The following MARCHF11 variants were observed in gnomAD, a reference collection of about 807,000 sequenced individuals.
The protein encoded by MARCHF11 is membrane associated ring-CH-type finger 11.
Under a neutral mutation model 37.3 loss-of-function variants are expected in MARCHF11, and 29 were observed. That is an observed-to-expected ratio of 0.78 (90% CI 0.58 to 1.06). The LOEUF is 1.06. Ranked by LOEUF, MARCHF11 falls within the 50% of genes least tolerant of loss-of-function variation. The pLI is 0.00. For synonymous variants in MARCHF11, 233 were observed against 228.0 expected (o/e 1.02, Z -0.20); for missense variants, 482 against 533.4 (o/e 0.90, Z 0.95).
intron 2 of MARCHF11, among the ~76,000 whole-genome samples, chr5:16,099,189 A>T (rs189487699): frequency 1.3e-5 from 2 of 152,346 alleles, no homozygotes; most frequent in East Asian, 3.9e-4. Flanking sequence ...AAGATGATCA[A>T]ATTTCCAAGA....
At chr5:16,151,255 T>C (rs780520449) in intron 2 of MARCHF11, among the ~76,000 whole-genome samples, 2 of 152,032 alleles carry the variant, frequency 1.3e-5, no homozygotes, top group African/African-American at 2.4e-5. Context: ...ATTTACATAG[T>C]CATTCACCAG....
chr5:16,178,144 G>A (rs1738395416), intron 1 of MARCHF11, among the ~76,000 whole-genome samples: 1 of 152,198 alleles, frequency 6.6e-6, no homozygotes, highest in African/African-American at 2.4e-5. Context: ...ATACCCGTGG[G>A]GGAAAGCTGT....
At chr5:16,095,613 T>G (rs7736853) in intron 2 of MARCHF11, among the ~76,000 whole-genome samples, 2,981 of 152,294 alleles carry the variant, frequency 0.02, 61 homozygotes, top group Admixed American at 0.066. Flanking sequence ...GCATGCAACG[T>G]CTGTCTCCTC....
chr5:16,177,231 T>C lies in MARCHF11; in HGVS notation c.693+495A>G, dbSNP rs563330229. The stretch of plus-strand genomic sequence containing the variant: ...TTAACTGCAAAAGAACATCACATGA[T>C]AAAGAAAGCCTGGTTAAGTGGAAAT... On this transcript the variant is annotated intron_variant, in intron 2 of 3. Coordinates refer to ENST00000332432, the MANE Select transcript of MARCHF11 (RefSeq NM_001102562.3). 5.9e-5 allele frequency among the ~76,000 whole-genome samples: 9 copies of C among 152,304 alleles called. No homozygotes were observed. In the East Asian group the frequency reaches 7.7e-4, roughly 13 times the overall value.
chr5:16,132,089 G>T (rs1737526277), intron 2 of MARCHF11, among the ~76,000 whole-genome samples: 1 of 152,256 alleles, frequency 6.6e-6, no homozygotes, highest in Non-Finnish European at 1.5e-5. Flanking sequence ...TCTACCAACT[G>T]TGACTGTGGA....
intron 2 of MARCHF11, among the ~76,000 whole-genome samples, chr5:16,130,630 C>G (rs955937525): frequency 6.6e-6 from 1 of 152,032 alleles, no homozygotes; most frequent in African/African-American, 2.4e-5. Context: ...AAAGGACAAA[C>G]AAAAATAGCA....
intron 2 of MARCHF11, among the ~76,000 whole-genome samples, chr5:16,093,409 C>T (rs572095069): frequency 1.3e-4 from 20 of 152,222 alleles, no homozygotes; most frequent in Admixed American, 1.1e-3. Context: ...GATAATTCAC[C>T]GTGGTGTCTG....
chr5:16,119,905 T>C (rs1006998752), intron 2 of MARCHF11, among the ~76,000 whole-genome samples: 3 of 152,196 alleles, frequency 2.0e-5, no homozygotes, highest in Admixed American at 2.0e-4. Context: ...TTAAAATGCA[T>C]TACTAAATAA....
At chr5:16,105,249 A>G (rs1737018260) in intron 2 of MARCHF11, among the ~76,000 whole-genome samples, 1 of 152,234 alleles carries the variant, frequency 6.6e-6, no homozygotes, top group African/African-American at 2.4e-5. Context: ...AGAACTGTAA[A>G]TCTCTTATGT....
intron 2 of MARCHF11, among the ~76,000 whole-genome samples, chr5:16,138,666 C>T (rs377527482): frequency 1.3e-5 from 2 of 152,102 alleles, no homozygotes; most frequent in African/African-American, 4.8e-5. Context: ...AATGCCAACT[C>T]GTGAAAACAG....
intron 2 of MARCHF11, among the ~76,000 whole-genome samples, chr5:16,140,595 A>G (rs1322637167): frequency 6.6e-6 from 1 of 152,172 alleles, no homozygotes; most frequent in Non-Finnish European, 1.5e-5. Context: ...AATGGTTTTG[A>G]ACCTTTCTAT....
intron 2 of MARCHF11, among the ~76,000 whole-genome samples, chr5:16,104,976 G>A (rs1387760601): frequency 6.6e-6 from 1 of 152,134 alleles, no homozygotes; most frequent in African/African-American, 2.4e-5. Flanking sequence ...GCACATAGTG[G>A]GTGTTCACAT....
intron 2 of MARCHF11, among the ~76,000 whole-genome samples, chr5:16,159,578 A>G (rs1312406472): frequency 6.6e-6 from 1 of 152,156 alleles, no homozygotes; most frequent in Admixed American, 6.6e-5. Flanking sequence ...CCCATTATTA[A>G]TGTTCTTGAA....
chr5:16,161,771 T>A (rs1019272846), intron 2 of MARCHF11, among the ~76,000 whole-genome samples: 1 of 151,958 alleles, frequency 6.6e-6, no homozygotes, highest in African/African-American at 2.4e-5. Context: ...TCTTTCCCAG[T>A]GGCCAAGTCA....
At chr5:16,175,947 T>G (rs1738346835) in intron 2 of MARCHF11, among the ~76,000 whole-genome samples, 3 of 152,216 alleles carry the variant, frequency 2.0e-5, no homozygotes, top group Admixed American at 2.0e-4. Context: ...AGATTAGTTT[T>G]TGGGTTTTAG....
intron 2 of MARCHF11, among the ~76,000 whole-genome samples, chr5:16,113,776 CT>C (rs1737186008): frequency 6.6e-6 from 1 of 152,110 alleles, no homozygotes; most frequent in African/African-American, 2.4e-5. Context: ...TTTATCACTT[CT>C]TTGTTTTGGG....
At chr5:16,132,806 G>T (rs1737539069) in intron 2 of MARCHF11, among the ~76,000 whole-genome samples, 2 of 152,106 alleles carry the variant, frequency 1.3e-5, no homozygotes, top group Admixed American at 1.3e-4. Context: ...CAAATGAAAA[G>T]TTAGTAGGAA....
chr5:16,139,990 A>T (rs1446016), intron 2 of MARCHF11, among the ~76,000 whole-genome samples: 110,033 of 152,132 alleles, frequency 0.72, 41,341 homozygotes, highest in Middle Eastern at 0.85. Flanking sequence ...TGACAATGTA[A>T]TAAAAATCTA....
At chr5:16,129,240 C>T (rs1737472983) in intron 2 of MARCHF11, 1 of 152,044 alleles carries the variant, frequency 6.6e-6, no homozygotes, top group Non-Finnish European at 1.5e-5. Context: ...TCTCTGGAGT[C>T]GGGTGTCTTA....
Sources: allele counts gnomAD v4.1 joint callset (sites outside exome capture counted in the v4.1 genomes callset), GRCh38; gene constraint gnomAD v4.1.1; transcripts MANE v1.5; gene names NCBI Gene and HGNC (gene_info 2026-07-23, HGNC 2026-07-21).